Variants in CAPZB observed in about 807,000 individuals in gnomAD.
CAPZB encodes the protein F-actin-capping protein subunit beta.
Under a neutral mutation model 38.1 loss-of-function variants are expected in CAPZB, and 2 were observed. The observed-to-expected ratio is 0.05, with a 90% CI of 0.02 to 0.17. CAPZB has a LOEUF of 0.17. Among genes scored for constraint, CAPZB ranks in the 10% least tolerant of loss-of-function variants. The probability of loss-of-function intolerance (pLI) is 1.00; values close to 1 mark genes in which losing one functional copy is unlikely to be tolerated. For synonymous variants in CAPZB, 107 were observed against 127.4 expected (o/e 0.84, Z 1.08); for missense variants, 161 against 334.2 (o/e 0.48, Z 4.04).
At chr1:19,480,081 C>A (rs572234938) in intron 1 of CAPZB, among the ~76,000 whole-genome samples, 118 of 152,268 alleles carry the variant, frequency 7.7e-4, no homozygotes, top group African/African-American at 2.8e-3. Flanking sequence ...GCCAGGCCTG[C>A]AGGGATGGGC....
intron 2 of CAPZB, among the ~76,000 whole-genome samples, chr1:19,394,540 G>A (rs1301782322): frequency 1.3e-5 from 2 of 152,154 alleles, no homozygotes; most frequent in African/African-American, 4.8e-5. Flanking sequence ...GGCCAACATA[G>A]TGAAACGCTG....
intron 3 of CAPZB, among the ~76,000 whole-genome samples, chr1:19,384,239 G>A (rs757606048): frequency 2.6e-4 from 39 of 151,452 alleles, no homozygotes; most frequent in African/African-American, 7.5e-4. Flanking sequence ...CCTCATCTCC[G>A]CCCCCACTGC....
At chr1:19,379,109 T>TTTTG (rs1195648349) in intron 3 of CAPZB, among the ~76,000 whole-genome samples, 1 of 150,710 alleles carries the variant, frequency 6.6e-6, no homozygotes, top group Admixed American at 6.6e-5. Flanking sequence ...TCTTTTTTTT[T>TTTTG]TTTTTTTAAG....
intron 4 of CAPZB, among the ~76,000 whole-genome samples, chr1:19,371,210 A>G (rs2094117708): frequency 6.6e-6 from 1 of 151,924 alleles, no homozygotes; most frequent in South Asian, 2.1e-4. Flanking sequence ...GTGGTGGAAG[A>G]GCCCCATCCC....
chr1:19,473,560 C>CA (rs2094596874), intron 1 of CAPZB, among the ~76,000 whole-genome samples: 1 of 152,194 alleles, frequency 6.6e-6, no homozygotes. Context: ...CAGTATCCTT[C>CA]AGCACAGTGA....
At chr1:19,386,078 G>C (rs2094202529) in intron 2 of CAPZB, among the ~76,000 whole-genome samples, 1 of 152,240 alleles carries the variant, frequency 6.6e-6, no homozygotes, top group Non-Finnish European at 1.5e-5. Context: ...GCTGGGTGGA[G>C]TCTCCAGTAC....
chr1:19,420,497 A>G (rs754563378), intron 1 of CAPZB, among the ~76,000 whole-genome samples: 3 of 145,822 alleles, frequency 2.1e-5, no homozygotes, highest in Non-Finnish European at 4.5e-5. Context: ...GCTCCCTACA[A>G]CCCCCACTTT....
intron 1 of CAPZB, among the ~76,000 whole-genome samples, chr1:19,474,117 T>C (rs987900576): frequency 5.3e-5 from 8 of 151,930 alleles, no homozygotes; most frequent in African/African-American, 1.9e-4. Context: ...CACCTCAGCC[T>C]CCCAAGCAGC....
chr1:19,343,509 T>C (rs2093943933), intron 8 of CAPZB, among the ~76,000 whole-genome samples: 1 of 152,330 alleles, frequency 6.6e-6, no homozygotes, highest in East Asian at 1.9e-4. Context: ...AGATTCATCA[T>C]CTCAGCCGAC....
At chr1:19,426,732 C>T (rs2094424245) in intron 1 of CAPZB, among the ~76,000 whole-genome samples, 1 of 152,188 alleles carries the variant, frequency 6.6e-6, no homozygotes, top group African/African-American at 2.4e-5. Flanking sequence ...AGTATGAGAC[C>T]CCAAGCCAGA....
At chr1:19,465,731 C>T (rs1256701347) in intron 1 of CAPZB, among the ~76,000 whole-genome samples, 1 of 152,168 alleles carries the variant, frequency 6.6e-6, no homozygotes, top group Non-Finnish European at 1.5e-5. Flanking sequence ...CATCTATCTC[C>T]TCTCCTCCCA....
intron 1 of CAPZB, chr1:19,484,573 A>G (rs1175253484): frequency 4.2e-5 from 52 of 1,247,842 alleles, no homozygotes; most frequent in Middle Eastern, 3.4e-4. Context: ...GCGGCAACTG[A>G]GAAGGCACAG....
At chr1:19,483,100 C>T (rs969448168) in intron 1 of CAPZB, among the ~76,000 whole-genome samples, 14 of 152,206 alleles carry the variant, frequency 9.2e-5, no homozygotes, top group Admixed American at 6.5e-5. Context: ...CTCTGCCCTC[C>T]AAGAGCTCAT....
intron 1 of CAPZB, among the ~76,000 whole-genome samples, chr1:19,427,508 C>T (rs898966057): frequency 3.3e-5 from 5 of 152,212 alleles, no homozygotes; most frequent in Admixed American, 6.5e-5. Context: ...TTTGTTTAAA[C>T]GTCGAATCTG....
intron 1 of CAPZB, among the ~76,000 whole-genome samples, chr1:19,422,144 C>T (rs373602746): frequency 1.3e-5 from 2 of 152,146 alleles, no homozygotes; most frequent in East Asian, 1.9e-4. Context: ...ATTTTGCACA[C>T]GTGCACACAC....
chr1:19,386,987 A>T (rs965162193), intron 2 of CAPZB, among the ~76,000 whole-genome samples: 1 of 152,318 alleles, frequency 6.6e-6, no homozygotes, highest in Admixed American at 6.5e-5. Context: ...CCTAACAAAC[A>T]TAATAAAAAT....
intron 2 of CAPZB, among the ~76,000 whole-genome samples, chr1:19,389,750 A>G (rs1351070757): frequency 6.6e-6 from 1 of 152,086 alleles, no homozygotes; most frequent in East Asian, 1.9e-4. Context: ...TATTTGCTAA[A>G]TCTGACAGCC....
intron 1 of CAPZB, among the ~76,000 whole-genome samples, chr1:19,449,544 T>C (rs1409336818): frequency 1.3e-5 from 2 of 151,870 alleles, no homozygotes; most frequent in South Asian, 2.1e-4. Context: ...TCTCGGCACT[T>C]TGGGAAGCTG....
rs538806412 is a variant in CAPZB, at chr1:19,396,790, A to C, written c.94-11164T>G. On this transcript the variant is annotated intron_variant, in intron 2 of 8. Transcript: ENST00000264202. ...ACCCCACCTCTAATAAAAATACAAAAAAAAAAAAAAAAAGAAATTAGGCAC... is the reference window on the plus strand; with the variant it reads ...ACCCCACCTCTAATAAAAATACAAACAAAAAAAAAAAAAGAAATTAGGCAC... Among the ~76,000 whole-genome samples, 418 of 151,132 alleles carry C rather than the reference A, an allele frequency of 2.8e-3. 3 individuals carry two copies. The highest frequency in any genetic ancestry group is 9.6e-3 in the African/African-American group (397 of 41,308).
Sources: gnomAD v4.1 joint callset for allele counts (sites outside exome capture counted in the v4.1 genomes callset) on GRCh38, gnomAD v4.1.1 for gene constraint, MANE v1.5 for transcripts, NCBI Gene and HGNC (gene_info 2026-07-23, HGNC 2026-07-21) for gene names.